Variants in CMYA5 observed in about 807,000 individuals in gnomAD.
CMYA5 encodes the protein cardiomyopathy associated 5.
Under a neutral mutation model 318.9 loss-of-function variants are expected in CMYA5, and 246 were observed. The ratio of observed to expected loss-of-function variants is 0.77; its 90% CI spans 0.70 to 0.86. The LOEUF (loss-of-function observed/expected upper bound fraction) is 0.86. Among genes scored for constraint, CMYA5 ranks in the 40% least tolerant of loss-of-function variants. The probability of loss-of-function intolerance (pLI) is 0.00; values close to 1 mark genes in which losing one functional copy is unlikely to be tolerated. For missense variants in CMYA5, 4,589 were observed against 4,678.2 expected, an observed-to-expected ratio of 0.98 and a Z score of 0.56; for synonymous variants, 1,641 against 1,729.5, an observed-to-expected ratio of 0.95 and a Z score of 1.27.
At position 79,734,779 on chromosome 5, in the gene CMYA5, C is replaced by T; in HGVS notation, c.6014C>T (p.Ala2005Val). ...VLAGNVERNI[A>V]EGKEIHSLME... is the part of the protein sequence containing the mutation. ...GCTGGAAATGTAGAGAGAAACATAG[C>T]AGAGGGGAAGGAGATTCATTCTTTG... Residue 2005 changes from alanine to valine, a missense_variant, in exon 2 of 13, where the codon GCA (alanine) becomes GTA (valine). Physicochemically the swap from Ala to Val is moderately conservative, Grantham distance 64. This residue lies in a region of CMYA5 where 2,431 missense variants were observed against 2,495.1 expected (regional missense o/e 0.97). Transcript: ENST00000446378. 5 of 1,613,732 alleles carry T rather than the reference C, an allele frequency of 3.1e-6. No homozygotes were observed. The highest frequency in any genetic ancestry group is 4.2e-6 in the Non-Finnish European group (5 of 1,179,782).
chr5:79,774,812 C>A (rs1309009102), intron 9 of CMYA5, among the ~76,000 whole-genome samples: 1 of 152,228 alleles, frequency 6.6e-6, no homozygotes, highest in African/African-American at 2.4e-5. Flanking sequence ...GGGACACCCA[C>A]TGCTCTGTCT....
chr5:79,760,412 A>G (rs1828628379), intron 7 of CMYA5, among the ~76,000 whole-genome samples: 4 of 152,200 alleles, frequency 2.6e-5, no homozygotes, highest in Admixed American at 2.6e-4. Context: ...TCACACTGCT[A>G]TAAAGACATA....
At chr5:79,692,408 T>A (rs1158682956) in intron 1 of CMYA5, among the ~76,000 whole-genome samples, 1 of 152,116 alleles carries the variant, frequency 6.6e-6, no homozygotes, top group Non-Finnish European at 1.5e-5. Context: ...ATAGTTACCT[T>A]TCTGAATTGA....
At position 79,730,358 on chromosome 5, in the gene CMYA5, C is replaced by G. The variant is rs988006197; in HGVS notation, c.1593C>G (p.Ile531Met). The G allele has an allele frequency of 3.1e-6, 5 of 1,613,674 alleles. No individual in the cohort carries two copies. The highest frequency in any genetic ancestry group is 4.2e-6 in the Non-Finnish European group (5 of 1,179,846). ...ATTCTAATTTAGTAGAAGAAGAGAT[C>G]GTAGAACTTGATTACCCAGAAAGCC... ...PEDSNLVEEE[I>M]VELDYPESPL... Residue 531 changes from isoleucine (I) to methionine (M), a missense_variant, in exon 2 of 13, where the codon ATC becomes ATG. Ile to Met is a conservative substitution (Grantham distance 10, BLOSUM62 1). Coordinates refer to ENST00000446378, the MANE Select transcript of CMYA5 (RefSeq NM_153610.5).
intron 1 of CMYA5, among the ~76,000 whole-genome samples, chr5:79,696,250 C>T (rs933897582): frequency 6.6e-6 from 1 of 152,150 alleles, no homozygotes; most frequent in Admixed American, 6.5e-5. Context: ...TCATCAGTGC[C>T]GCCTTCTGTG....
At position 79,732,307 on chromosome 5, in the gene CMYA5, A is replaced by C; in HGVS notation, c.3542A>C (p.Lys1181Thr). 2 of 1,613,890 alleles carry C rather than the reference A, an allele frequency of 1.2e-6. No individual in the cohort carries two copies. Among genetic ancestry groups the C allele is most frequent in the Non-Finnish European group, 1.7e-6 (2 of 1,179,860 alleles). Residue 1181 changes from lysine to threonine, a missense_variant, in exon 2 of 13, where the codon AAG (lysine) becomes ACG (threonine). Around this residue, in one of 3 missense-constraint regions of CMYA5, gnomAD observed 2,132 missense variants for 2,131.3 expected, o/e 1.00. Transcript: ENST00000446378. Reference protein sequence around the residue: ...SVLPDSVPAIKKEQEPTAALT... With the variant: ...SVLPDSVPAITKEQEPTAALT... ...TTACCTGATTCAGTCCCTGCAATCA[A>C]GAAAGAACAGGAACCCACAGCAGCA... is the stretch of plus-strand genomic sequence containing the variant.
At position 79,735,516 on chromosome 5, in the gene CMYA5, GGTAC is replaced by G. The variant is rs1242368699; in HGVS notation, c.6752_6755del (p.Gly2251ValfsTer2). 1 of 1,613,170 alleles carries G rather than the reference GGTAC, an allele frequency of 6.2e-7. No individual in the cohort carries two copies. The highest frequency in any genetic ancestry group is 8.5e-7 in the Non-Finnish European group (1 of 1,179,636). On this transcript the variant is annotated frameshift_variant, in exon 2 of 13. Coordinates refer to ENST00000446378, the MANE Select transcript of CMYA5 (RefSeq NM_153610.5). LOFTEE classifies it high-confidence loss of function. ...ACTTAAAACTGCTGATGAACCCAGA[GGTAC>G]TTTAGTAAAATCTGGTGACGGTCAA... is the stretch of plus-strand genomic sequence containing the variant.
chr5:79,733,801 G>A lies in CMYA5; in HGVS notation c.5036G>A (p.Arg1679Lys). The A allele has an allele frequency of 6.2e-7, 1 of 1,613,704 alleles. No homozygotes were observed. Among genetic ancestry groups the A allele is most frequent in the Non-Finnish European group, 8.5e-7 (1 of 1,179,778 alleles). Reference sequence around the variant, plus strand: ...AAAGGCCCAGCTGAGCTTAGGAGCAGAGAAGGAAAAGAAGAAAATAGAGAG... The same window carrying A: ...AAAGGCCCAGCTGAGCTTAGGAGCAAAGAAGGAAAAGAAGAAAATAGAGAG... ...LEKGPAELRS[R>K]EGKEENRELC... The change falls in exon 2 of 13, where the codon AGA becomes AAA. Residue 1679 changes from arginine to lysine, a missense_variant. Transcript: ENST00000446378.
rs779616669 is a variant in CMYA5, at chr5:79,738,374, G to T, written c.9609G>T (p.Glu3203Asp). The change falls in exon 2 of 13, where the codon GAG becomes GAT. Residue 3203 changes from glutamate (E) to aspartate (D), a missense_variant. Around this residue, in one of 3 missense-constraint regions of CMYA5, gnomAD observed 2,431 missense variants for 2,495.1 expected, o/e 0.97. Transcript: ENST00000446378. ...ATCTGTATGAAGAAGCAGTTGGAGA[G>T]AAAAAGAAGGAAGAGGAGACAGCTT... ...YKDLYEEAVG[E>D]KKKEEETASE... 1 of 1,613,718 alleles carries T rather than the reference G, an allele frequency of 6.2e-7. No homozygotes were observed. The highest frequency in any genetic ancestry group is 8.5e-7 in the Non-Finnish European group (1 of 1,179,820).
chr5:79,731,582 A>C lies in CMYA5; in HGVS notation c.2817A>C (p.Gln939His), dbSNP rs757789467. 1.2e-6 allele frequency: 2 copies of C among 1,612,520 alleles called. No individual in the cohort carries two copies. The highest frequency in any genetic ancestry group is 1.7e-6 in the Non-Finnish European group (2 of 1,179,260). ...SSPMNLSEED[Q>H]EDIGPFSPDS... ...CCATGAATTTATCAGAAGAAGATCA[A>C]GAAGACATTGGACCTTTTTCTCCAG... The change falls in exon 2 of 13, where the codon CAA (glutamine) becomes CAC (histidine). Residue 939 changes from glutamine to histidine, a missense_variant. Transcript: ENST00000446378.
At chr5:79,715,352 A>G (rs1012124134) in intron 1 of CMYA5, among the ~76,000 whole-genome samples, 1 of 151,780 alleles carries the variant, frequency 6.6e-6, no homozygotes, top group African/African-American at 2.4e-5. Context: ...CAGTGGTGCG[A>G]TCTCAGCTCA....
At chr5:79,716,679 A>G (rs976250485) in intron 1 of CMYA5, among the ~76,000 whole-genome samples, 2 of 152,234 alleles carry the variant, frequency 1.3e-5, no homozygotes, top group African/African-American at 2.4e-5. Context: ...TATAGATGAC[A>G]CAGGAAAATG....
Position 79,738,969 on chromosome 5 carries a change from C to G in CMYA5, c.10204C>G (p.Leu3402Val), listed in dbSNP as rs758481146. The stretch of plus-strand genomic sequence containing the variant: ...AACATCACTAGAAGAACCTAAAATC[C>G]TGGTCCCACCTGAGCCAAGTGAAGA... Reference protein sequence around the residue: ...QETSLEEPKILVPPEPSEERL... With the variant: ...QETSLEEPKIVVPPEPSEERL... The change falls in exon 2 of 13, where the codon CTG becomes GTG. Residue 3402 changes from leucine to valine, a missense_variant. Coordinates refer to ENST00000446378, the MANE Select transcript of CMYA5 (RefSeq NM_153610.5). 4.3e-6 allele frequency: 7 copies of G among 1,613,744 alleles called. No individual in the cohort carries two copies. In the Admixed American group the frequency reaches 1.2e-4, roughly 27 times the overall value.
In CMYA5 at chr5:79,736,585, C is replaced by G. The variant is rs375923511; in HGVS notation, c.7820C>G (p.Pro2607Arg). 39 of 1,613,622 alleles carry G rather than the reference C, an allele frequency of 2.4e-5. No homozygotes were observed. The African/African-American group carries it at 4.5e-4, about 19-fold the overall frequency. The change falls in exon 2 of 13, where the codon CCA (proline) becomes CGA (arginine). Residue 2607 changes from proline (P) to arginine (R), a missense_variant. Around this residue, in one of 3 missense-constraint regions of CMYA5, gnomAD observed 2,431 missense variants for 2,495.1 expected, o/e 0.97. Transcript: ENST00000446378. ...GAAGCCATGCTCGCAGAGGCTCACCCAGAAATCAGAGAAGCAAAGGCAGTA... is the reference window on the plus strand; with the variant it reads ...GAAGCCATGCTCGCAGAGGCTCACCGAGAAATCAGAGAAGCAAAGGCAGTA... ...KSEAMLAEAHPEIREAKAVGT... is the reference protein window; with the variant it reads ...KSEAMLAEAHREIREAKAVGT...
At position 79,737,756 on chromosome 5, in the gene CMYA5, A is replaced by G. The variant is rs1434655661; in HGVS notation, c.8991A>G (p.Thr2997=). The change falls in exon 2 of 13, where the codon ACA becomes ACG. Residue 2997 remains threonine, a synonymous_variant. Coordinates refer to ENST00000446378, the MANE Select transcript of CMYA5 (RefSeq NM_153610.5). The part of the protein sequence containing the change: ...KTIPLPDDSE[T]VACHKTLKSR... Reference sequence around the variant, plus strand: ...TACCACTCCCTGATGATAGTGAAACAGTTGCTTGTCATAAAACATTAAAGA... The same window carrying G: ...TACCACTCCCTGATGATAGTGAAACGGTTGCTTGTCATAAAACATTAAAGA... 2 of 1,611,314 alleles carry G rather than the reference A, an allele frequency of 1.2e-6. No individual in the cohort carries two copies. Among genetic ancestry groups the G allele is most frequent in the African/African-American group, 2.7e-5 (2 of 74,708 alleles).
intron 1 of CMYA5, among the ~76,000 whole-genome samples, chr5:79,695,664 A>G (rs1330027525): frequency 1.3e-5 from 2 of 152,246 alleles, no homozygotes; most frequent in South Asian, 2.1e-4. Flanking sequence ...CCAGGGACAC[A>G]AAGAGGATTG....
At chr5:79,790,426 T>C (rs546756380) in intron 10 of CMYA5, among the ~76,000 whole-genome samples, 5 of 152,118 alleles carry the variant, frequency 3.3e-5, no homozygotes, top group Non-Finnish European at 7.4e-5. Context: ...CGCACCACCA[T>C]GCCTGGCTAA....
Position 79,733,395 on chromosome 5 carries a change from C to T in CMYA5, c.4630C>T (p.Leu1544Phe). ...TGAGATAAAGAAGAAAGAAACTGAA[C>T]TTCCTTCATCACAAAATGTGTCACC... Reference protein sequence around the residue: ...WGEIKKKETELPSSQNVSPAS... With the variant: ...WGEIKKKETEFPSSQNVSPAS... Residue 1544 changes from leucine (L) to phenylalanine (F), a missense_variant, in exon 2 of 13, where the codon CTT (leucine) becomes TTT (phenylalanine). Physicochemically the swap from Leu to Phe is conservative, Grantham distance 22. Transcript: ENST00000446378. 1.9e-6 allele frequency: 3 copies of T among 1,613,566 alleles called. No individual in the cohort carries two copies. Among genetic ancestry groups the T allele is most frequent in the Non-Finnish European group, 2.5e-6 (3 of 1,179,826 alleles).
At chr5:79,786,512 C>T (rs1473956966) in intron 9 of CMYA5, among the ~76,000 whole-genome samples, 1 of 152,216 alleles carries the variant, frequency 6.6e-6, no homozygotes, top group Non-Finnish European at 1.5e-5. Context: ...TCTGATCACT[C>T]ACCTTAGTTT....
Sources: allele counts gnomAD v4.1 joint callset (sites outside exome capture counted in the v4.1 genomes callset), GRCh38; gene constraint gnomAD v4.1.1; regional missense constraint gnomAD v4.1.1; transcripts MANE v1.5; gene names NCBI Gene and HGNC (gene_info 2026-07-23, HGNC 2026-07-21).